The following C16orf74 variants were observed in gnomAD, a reference collection of about 807,000 sequenced individuals.
The protein encoded by C16orf74 is calcimembrin.
C16orf74 carries 10 observed loss-of-function variants against 6.5 expected under a neutral mutation model. The observed-to-expected ratio is 1.54, with a 90% CI of 0.95 to 2.61. The LOEUF (loss-of-function observed/expected upper bound fraction) is 2.61. C16orf74 is among the 30% of genes most tolerant of loss of function. The probability of loss-of-function intolerance (pLI) is 0.00; values close to 1 mark genes in which losing one functional copy is unlikely to be tolerated. For missense variants in C16orf74, 141 were observed against 105.9 expected, an observed-to-expected ratio of 1.33 and a Z score of -1.45; for synonymous variants, 60 against 42.5, an observed-to-expected ratio of 1.41 and a Z score of -1.60.
intron 2 of C16orf74, among the ~76,000 whole-genome samples, chr16:85,723,574 G>A (rs1036141961): frequency 6.6e-6 from 1 of 152,168 alleles, no homozygotes; most frequent in Non-Finnish European, 1.5e-5. Context: ...TGTGACTTCA[G>A]GGGGTTCACT....
intron 1 of C16orf74, among the ~76,000 whole-genome samples, chr16:85,742,727 G>C (rs1224855876): frequency 6.6e-6 from 1 of 152,116 alleles, no homozygotes; most frequent in African/African-American, 2.4e-5. Flanking sequence ...TTTTAGTAGA[G>C]ATGGGGTTTT....
At chr16:85,712,318 A>T (rs962058842) in intron 2 of C16orf74, among the ~76,000 whole-genome samples, 1 of 152,246 alleles carries the variant, frequency 6.6e-6, no homozygotes, top group Admixed American at 6.5e-5. Flanking sequence ...AAACTCTGAG[A>T]TAATAAAGGT....
chr16:85,715,276 C>G (rs2054012353), intron 2 of C16orf74, among the ~76,000 whole-genome samples: 1 of 151,896 alleles, frequency 6.6e-6, no homozygotes, highest in South Asian at 2.1e-4. Context: ...CAACCACAGA[C>G]AAAGGGATGT....
rs758711586 is a variant in C16orf74, at chr16:85,707,987, A to C, written c.*21T>G. 3.3e-5 allele frequency: 51 copies of C among 1,550,592 alleles called. No homozygotes were observed. Among genetic ancestry groups the C allele is most frequent in the African/African-American group, 4.1e-5 (3 of 73,058 alleles). ...CGGGCCGCTGGAGCAGGAGCCAGCC[A>C]GCCAAACCCAGGACACCTCCTCAGG... On this transcript the variant is annotated 3_prime_UTR_variant, in exon 4 of 4. Coordinates refer to ENST00000284245, the MANE Select transcript of C16orf74 (RefSeq NM_206967.3).
chr16:85,718,049 A>G (rs1169909599), intron 2 of C16orf74, among the ~76,000 whole-genome samples: 1 of 152,240 alleles, frequency 6.6e-6, no homozygotes, highest in East Asian at 1.9e-4. Context: ...CGTGGGCATC[A>G]CGGCTCACGT....
chr16:85,744,243 A>AAAAAAAG (rs2054344745), intron 1 of C16orf74: 4 of 149,846 alleles, frequency 2.7e-5, no homozygotes, highest in Admixed American at 2.0e-4. Context: ...AAAAAAAAAA[A>AAAAAAAG]AAAAGAAAAG....
At chr16:85,735,750 G>GC (rs11460901) in intron 1 of C16orf74, among the ~76,000 whole-genome samples, 114,297 of 151,164 alleles carry the variant, frequency 0.76, 43,385 homozygotes, top group East Asian at 0.87. Context: ...AGGACGTGTG[G>GC]CCCCCCCAGC....
chr16:85,741,215 C>G (rs2054303720), intron 1 of C16orf74, among the ~76,000 whole-genome samples: 1 of 152,172 alleles, frequency 6.6e-6, no homozygotes. Context: ...CTAGCAGCTT[C>G]TACAGCTTGG....
At chr16:85,735,289 G>C in intron 1 of C16orf74, 54 bp from the exon 2 acceptor site, 1 of 1,355,888 alleles carries the variant, frequency 7.4e-7, no homozygotes, top group Non-Finnish European at 1.0e-6. Flanking sequence ...GTTTGTATTG[G>C]CCACGTGCAG....
At position 85,729,464 on chromosome 16, in the gene C16orf74, C is replaced by T. The variant is rs149329083; in HGVS notation, c.28+5726G>A. ...ATGCCACCCTCTCAATATCTACCAC[C>T]CTTGGGCAGAGTCTTTGTTGCCAGA... is the stretch of plus-strand genomic sequence containing the variant. On this transcript the variant is annotated intron_variant, in intron 2 of 3. Transcript: ENST00000284245. 3.5e-3 allele frequency among the ~76,000 whole-genome samples: 531 copies of T among 152,332 alleles called. 5 individuals carry two copies. Among genetic ancestry groups the T allele is most frequent in the African/African-American group, 0.012 (509 of 41,572 alleles).
chr16:85,736,982 G>A (rs1322247475), intron 1 of C16orf74, among the ~76,000 whole-genome samples: 1 of 152,076 alleles, frequency 6.6e-6, no homozygotes, highest in African/African-American at 2.4e-5. Flanking sequence ...GGTGGAGGTT[G>A]CAGTGAGCTG....
intron 3 of C16orf74, among the ~76,000 whole-genome samples, chr16:85,708,625 G>A (rs114368549): frequency 0.017 from 2,615 of 152,318 alleles, 76 homozygotes; most frequent in African/African-American, 0.06. Flanking sequence ...AATTAAATGA[G>A]ATTTGTGAAA....
intron 2 of C16orf74, among the ~76,000 whole-genome samples, chr16:85,729,352 T>C (rs564845266): frequency 1.3e-5 from 2 of 152,364 alleles, no homozygotes; most frequent in East Asian, 1.9e-4. Flanking sequence ...ACAGTCACCA[T>C]GGCCAGGCCC....
At chr16:85,723,044 A>G (rs1181775811) in intron 2 of C16orf74, among the ~76,000 whole-genome samples, 1 of 152,140 alleles carries the variant, frequency 6.6e-6, no homozygotes, top group Non-Finnish European at 1.5e-5. Context: ...AGGTCACCTG[A>G]GGTCAGGAAT....
intron 1 of C16orf74, among the ~76,000 whole-genome samples, chr16:85,744,844 A>AAAAAC (rs2054354303): frequency 7.2e-6 from 1 of 139,136 alleles, no homozygotes; most frequent in Non-Finnish European, 1.5e-5. Flanking sequence ...AAAAAAAAAA[A>AAAAAC]AAAAAACTCT....
chr16:85,736,969 G>A (rs1294815150), intron 1 of C16orf74, among the ~76,000 whole-genome samples: 7 of 151,998 alleles, frequency 4.6e-5, no homozygotes, highest in African/African-American at 9.7e-5. Context: ...ACTTGAACCC[G>A]TAGGTGGAGG....
chr16:85,713,819 G>A (rs416877), intron 2 of C16orf74, among the ~76,000 whole-genome samples: 41,721 of 152,106 alleles, frequency 0.27, 6,243 homozygotes, highest in Middle Eastern at 0.36. Context: ...ACGCACCATC[G>A]TCAGGAGGAG....
At position 85,710,159 on chromosome 16, in the gene C16orf74, C is replaced by T; in HGVS notation, c.172+5G>A. 7.0e-7 allele frequency: 1 copy of T among 1,431,560 alleles called. No individual in the cohort carries two copies. The allele number at this position is 1,431,560 out of a possible 1,614,324, so 88.7% of individuals were successfully genotyped here. A position where few individuals can be genotyped will look rare whatever the true frequency, so the allele number is the denominator to read the frequency against. On this transcript the variant is annotated splice_donor_5th_base_variant and intron_variant, in intron 3 of 3. Coordinates refer to ENST00000284245, the MANE Select transcript of C16orf74 (RefSeq NM_206967.3). ...CCGGCTTGGCGGTGGAGGGGACGGCCTCACCTGTGCTCCCCAAGTCCCTCG... is the reference window on the plus strand; with the variant it reads ...CCGGCTTGGCGGTGGAGGGGACGGCTTCACCTGTGCTCCCCAAGTCCCTCG...
chr16:85,737,594 C>T (rs2054258473), intron 1 of C16orf74, among the ~76,000 whole-genome samples: 1 of 152,126 alleles, frequency 6.6e-6, no homozygotes, highest in African/African-American at 2.4e-5. Flanking sequence ...CTTTGGGAGG[C>T]CGAGGTGGGC....
Sources: gnomAD v4.1 joint callset for allele counts (sites outside exome capture counted in the v4.1 genomes callset) on GRCh38, gnomAD v4.1.1 for gene constraint, MANE v1.5 for transcripts, NCBI Gene and HGNC (gene_info 2026-07-23, HGNC 2026-07-21) for gene names.